Variants in RPAP3 observed in about 807,000 individuals in gnomAD.
RPAP3 encodes RNA polymerase II-associated protein 3.
RPAP3 carries 58 observed loss-of-function variants against 88.8 expected under a neutral mutation model. The ratio of observed to expected loss-of-function variants is 0.65; its 90% CI spans 0.53 to 0.81. The LOEUF (loss-of-function observed/expected upper bound fraction) is 0.81. Ranked by LOEUF, RPAP3 falls within the 40% of genes least tolerant of loss-of-function variation. RPAP3 has a pLI of 0.00. For synonymous variants in RPAP3, 255 were observed against 259.9 expected, an observed-to-expected ratio of 0.98 and a Z score of 0.18; for missense variants, 751 against 764.3, an observed-to-expected ratio of 0.98 and a Z score of 0.20.
chr12:47,686,529 AACACACACATACACAT>A (rs1939324191), intron 9 of RPAP3, among the ~76,000 whole-genome samples: 1 of 94,616 alleles, frequency 1.1e-5, no homozygotes, highest in African/African-American at 3.5e-5. Context: ...CAGGTACATA[AACACACACATACACAT>A]ACACACACAC....
chr12:47,677,599 C>G lies in RPAP3; in HGVS notation c.1287+1894G>C, dbSNP rs184015077. Among the ~76,000 whole-genome samples the G allele has an allele frequency of 3.0e-3, 456 of 152,046 alleles. 1 individual carries two copies. Among genetic ancestry groups the G allele is most frequent in the Non-Finnish European group, 5.6e-3 (382 of 68,002 alleles). On this transcript the variant is annotated intron_variant, in intron 12 of 16. Transcript: ENST00000005386. ...CACAAGCATTCCTATACACCATTAA[C>G]AGACAAGCAGAGAGACAAATCATGA...
intron 12 of RPAP3, among the ~76,000 whole-genome samples, chr12:47,677,785 T>C (rs1592473330): frequency 2.0e-5 from 3 of 152,230 alleles, no homozygotes; most frequent in South Asian, 2.1e-4. Flanking sequence ...TGCTCATGGA[T>C]AGGAAGAATC....
At chr12:47,692,136 T>C (rs544010751) in intron 5 of RPAP3, among the ~76,000 whole-genome samples, 1 of 151,666 alleles carries the variant, frequency 6.6e-6, no homozygotes, top group Admixed American at 6.6e-5. Context: ...TTTAGCATAA[T>C]TCCTAAGGGC....
intron 12 of RPAP3, among the ~76,000 whole-genome samples, chr12:47,678,386 A>G (rs1480309443): frequency 2.6e-5 from 4 of 152,258 alleles, no homozygotes; most frequent in Non-Finnish European, 5.9e-5. Flanking sequence ...AATGAAAGCC[A>G]TAATAGACAA....
At chr12:47,697,471 G>T (rs1939555710) in intron 4 of RPAP3, 126 bp downstream of exon 4, 1 of 793,752 alleles carries the variant, frequency 1.3e-6, no homozygotes, top group Non-Finnish European at 1.9e-6. Flanking sequence ...TCCAGAGAGG[G>T]ATGTAGCCAA....
chr12:47,703,208 T>C (rs954435252), intron 1 of RPAP3, among the ~76,000 whole-genome samples: 2 of 152,134 alleles, frequency 1.3e-5, no homozygotes, highest in African/African-American at 4.8e-5. Context: ...ACTTCTACTA[T>C]GTGAAAGGCC....
rs139342767 is a variant in RPAP3, at chr12:47,691,344, G to A, written c.546-705C>T. Among the ~76,000 whole-genome samples the A allele has an allele frequency of 3.4e-3, 512 of 152,278 alleles. 3 individuals are homozygous for A. The highest frequency in any genetic ancestry group is 0.012 in the African/African-American group (484 of 41,554). Reference sequence around the variant, plus strand: ...ATTCAAGTTTGAATACAAGATTGCAGCAATTCGGTGACATCTTCCTCCGCT... The same window carrying A: ...ATTCAAGTTTGAATACAAGATTGCAACAATTCGGTGACATCTTCCTCCGCT... On this transcript the variant is annotated intron_variant, in intron 5 of 16. Transcript: ENST00000005386.
intron 3 of RPAP3, among the ~76,000 whole-genome samples, chr12:47,698,194 G>A (rs78411140): frequency 0.022 from 3,363 of 152,282 alleles, 400 homozygotes; most frequent in Admixed American, 0.18. Flanking sequence ...AATAACCTAT[G>A]AGGAAGGTAT....
intron 1 of RPAP3, 45 bp from the exon 2 acceptor site, chr12:47,702,891 T>C (rs1939684760): frequency 1.4e-5 from 21 of 1,480,076 alleles, no homozygotes; most frequent in Non-Finnish European, 1.8e-5. Context: ...ATAGGCCTAT[T>C]TGGTTTATTT....
intron 1 of RPAP3, among the ~76,000 whole-genome samples, chr12:47,703,162 G>A (rs996535229): frequency 1.3e-5 from 2 of 152,300 alleles, no homozygotes; most frequent in African/African-American, 4.8e-5. Flanking sequence ...GGAGTTGAGC[G>A]ATTACCTCCT....
intron 12 of RPAP3, 101 bp downstream of exon 12, chr12:47,679,392 A>G (rs1592474503): frequency 1.5e-6 from 1 of 689,268 alleles, no homozygotes; most frequent in Non-Finnish European, 2.5e-6. Context: ...AACTTAAAGT[A>G]TAATTAAAAA....
chr12:47,678,623 A>C (rs1402243776), intron 12 of RPAP3, among the ~76,000 whole-genome samples: 1 of 152,082 alleles, frequency 6.6e-6, no homozygotes, highest in African/African-American at 2.4e-5. Context: ...GAAGACATTT[A>C]TGCAGCCAAC....
Position 47,662,440 on chromosome 12 carries a change from T to C in RPAP3, c.*1065A>G, listed in dbSNP as rs1938779404. 1 of 152,204 alleles carries C rather than the reference T, an allele frequency of 6.6e-6. No individual in the cohort carries two copies. The highest frequency in any genetic ancestry group is 6.5e-5 in the Admixed American group (1 of 15,272). 9.4% of individuals were successfully genotyped at this position (152,204 alleles called of 1,614,324 possible). On this transcript the variant is annotated 3_prime_UTR_variant, in exon 17 of 17. Coordinates refer to ENST00000005386, the MANE Select transcript of RPAP3 (RefSeq NM_024604.3). ...TTACTTCTCAAACAATTCATAAGAATAGTAATATGTATAATGGCAATAAAA... is the reference window on the plus strand; with the variant it reads ...TTACTTCTCAAACAATTCATAAGAACAGTAATATGTATAATGGCAATAAAA...
intron 10 of RPAP3, 71 bp from the exon 11 acceptor site, chr12:47,679,845 A>C: frequency 9.4e-7 from 1 of 1,061,692 alleles, no homozygotes; most frequent in Non-Finnish European, 1.4e-6. Flanking sequence ...ATGTATATTC[A>C]TGATATATTC....
intron 5 of RPAP3, among the ~76,000 whole-genome samples, chr12:47,690,968 T>C (rs533658130): frequency 1.3e-5 from 2 of 152,336 alleles, no homozygotes; most frequent in South Asian, 4.1e-4. Flanking sequence ...AATAACAATG[T>C]ATATACCTTA....
intron 9 of RPAP3, among the ~76,000 whole-genome samples, chr12:47,684,265 C>CA (rs939487313): frequency 3.3e-5 from 5 of 152,192 alleles, no homozygotes; most frequent in Non-Finnish European, 7.3e-5. Context: ...CTATCACCTC[C>CA]AGAAAGCACA....
intron 5 of RPAP3, chr12:47,695,817 A>G (rs1430979879): frequency 6.6e-6 from 1 of 152,288 alleles, no homozygotes; most frequent in East Asian, 1.9e-4. Context: ...GCATGTGATA[A>G]GACAATACCA....
chr12:47,693,149 G>A (rs1315611657), intron 5 of RPAP3, among the ~76,000 whole-genome samples: 7 of 152,164 alleles, frequency 4.6e-5, no homozygotes, highest in Admixed American at 4.6e-4. Flanking sequence ...CCAAATTGCT[G>A]GGATTACAGG....
intron 4 of RPAP3, among the ~76,000 whole-genome samples, chr12:47,696,796 T>C (rs1257846886): frequency 6.6e-6 from 1 of 152,260 alleles, no homozygotes; most frequent in Non-Finnish European, 1.5e-5. Context: ...ATATAACGCA[T>C]AAAATTTGTG....
Sources: allele counts gnomAD v4.1 joint callset (sites outside exome capture counted in the v4.1 genomes callset), GRCh38; gene constraint gnomAD v4.1.1; transcripts MANE v1.5; gene names NCBI Gene and HGNC (gene_info 2026-07-23, HGNC 2026-07-21).